Variants in MGMT observed in about 807,000 individuals in gnomAD.
MGMT encodes the protein O-6-methylguanine-DNA methyltransferase.
In MGMT, 14 loss-of-function variants were observed where a neutral mutation model predicts 15.9. That is an observed-to-expected ratio of 0.88 (90% CI 0.58 to 1.37). The LOEUF (loss-of-function observed/expected upper bound fraction) is 1.37, where lower values mean the gene tolerates loss of function less well. Ranked by LOEUF, MGMT falls within the 40% of genes most tolerant of loss-of-function variation. MGMT has a pLI of 0.00. For synonymous variants in MGMT, 130 were observed against 118.2 expected, an observed-to-expected ratio of 1.10 and a Z score of -0.65; for missense variants, 282 against 268.1, an observed-to-expected ratio of 1.05 and a Z score of -0.36.
chr10:129,722,087 A>T (rs1470393097), intron 3 of MGMT, among the ~76,000 whole-genome samples: 1 of 152,156 alleles, frequency 6.6e-6, no homozygotes, highest in Admixed American at 6.5e-5. Flanking sequence ...AAAGGAATAC[A>T]TTGACAGAAA....
intron 2 of MGMT, among the ~76,000 whole-genome samples, chr10:129,537,985 T>A (rs1846003913): frequency 6.6e-6 from 1 of 152,074 alleles, no homozygotes; most frequent in Non-Finnish European, 1.5e-5. Flanking sequence ...GCGTGTCATA[T>A]ATGGGCTAAA....
At chr10:129,626,265 C>T (rs1455952766) in intron 2 of MGMT, among the ~76,000 whole-genome samples, 1 of 152,192 alleles carries the variant, frequency 6.6e-6, no homozygotes, top group Non-Finnish European at 1.5e-5. Flanking sequence ...GATCAGTCCC[C>T]ACCCACCCGC....
intron 1 of MGMT, among the ~76,000 whole-genome samples, chr10:129,487,840 T>G (rs1217570228): frequency 1.3e-5 from 2 of 151,906 alleles, no homozygotes; most frequent in Non-Finnish European, 2.9e-5. Context: ...TTTCTTTGCT[T>G]CTTATGTGTG....
At chr10:129,498,969 C>G (rs529110286) in intron 1 of MGMT, among the ~76,000 whole-genome samples, 9 of 152,340 alleles carry the variant, frequency 5.9e-5, no homozygotes, top group Non-Finnish European at 1.3e-4. Context: ...ACTGCAAGTT[C>G]ATCTGATGCC....
At chr10:129,663,163 A>G (rs1589922704) in intron 2 of MGMT, among the ~76,000 whole-genome samples, 1 of 152,256 alleles carries the variant, frequency 6.6e-6, no homozygotes, top group African/African-American at 2.4e-5. Flanking sequence ...AAGTTTCATA[A>G]AAGAATTGTT....
intron 2 of MGMT, among the ~76,000 whole-genome samples, chr10:129,599,044 T>C (rs1846786166): frequency 6.6e-6 from 1 of 152,160 alleles, no homozygotes; most frequent in South Asian, 2.1e-4. Context: ...CTGAATTGAA[T>C]TTAAAGGAGT....
chr10:129,509,643 CA>C (rs1445203119), intron 1 of MGMT, among the ~76,000 whole-genome samples: 1 of 152,128 alleles, frequency 6.6e-6, no homozygotes, highest in Non-Finnish European at 1.5e-5. Context: ...CCAGTTTAAC[CA>C]GAGGTGACTT....
rs1305955143 is a variant in MGMT, at chr10:129,533,797, G to C, written c.-12-2444G>C. On this transcript the variant is annotated intron_variant, in intron 1 of 4. Coordinates refer to ENST00000651593, the MANE Select transcript of MGMT (RefSeq NM_002412.5). This position sits in a 1 kb window ranked among gnomAD's most constrained non-coding sequence, Gnocchi z 4.5. ...CTGAGAAGCAGTGGCCCGGGATGGT[G>C]GGAGATGTCTGCAGGCGCAGGGCGG... Among the ~76,000 whole-genome samples, 1 of 152,178 alleles carries C rather than the reference G, an allele frequency of 6.6e-6. No individual in the cohort carries two copies. The highest frequency in any genetic ancestry group is 1.5e-5 in the Non-Finnish European group (1 of 68,048).
chr10:129,716,970 A>AGG (rs1254035762), intron 3 of MGMT, among the ~76,000 whole-genome samples: 1 of 152,086 alleles, frequency 6.6e-6, no homozygotes, highest in African/African-American at 2.4e-5. Flanking sequence ...GCATTGACGC[A>AGG]TGCATAACTC....
chr10:129,560,197 G>A (rs1225064375), intron 2 of MGMT, among the ~76,000 whole-genome samples: 2 of 152,180 alleles, frequency 1.3e-5, no homozygotes, highest in African/African-American at 4.8e-5. Flanking sequence ...TTCAGGGTCT[G>A]ATGTGTAAGT....
intron 2 of MGMT, among the ~76,000 whole-genome samples, chr10:129,607,218 A>G (rs1478586460): frequency 6.6e-6 from 1 of 152,016 alleles, no homozygotes; most frequent in African/African-American, 2.4e-5. Context: ...GTAAATCCTC[A>G]GAAGGAAGAG....
At chr10:129,704,761 G>A (rs1848139936) in intron 2 of MGMT, among the ~76,000 whole-genome samples, 1 of 151,640 alleles carries the variant, frequency 6.6e-6, no homozygotes, top group Non-Finnish European at 1.5e-5. Flanking sequence ...GCCCCTATGT[G>A]CATCTCACCC....
chr10:129,475,841 T>G (rs1001904795), intron 1 of MGMT, among the ~76,000 whole-genome samples: 13 of 152,254 alleles, frequency 8.5e-5, no homozygotes, highest in African/African-American at 7.2e-5. Context: ...GTTAGTGTTC[T>G]TAAAGTTCAA....
chr10:129,646,246 G>A (rs561804230), intron 2 of MGMT, among the ~76,000 whole-genome samples: 31 of 152,200 alleles, frequency 2.0e-4, no homozygotes, highest in African/African-American at 7.2e-4. Context: ...AAGACAGATC[G>A]CCTGGGGAAG....
intron 1 of MGMT, among the ~76,000 whole-genome samples, chr10:129,488,588 ATGATTCTT>A: frequency 6.6e-6 from 1 of 152,152 alleles, no homozygotes; most frequent in Non-Finnish European, 1.5e-5. Flanking sequence ...AATTGAATTT[ATGATTCTT>A]TTCCTTTATA....
At chr10:129,698,223 G>A (rs576988739) in intron 2 of MGMT, among the ~76,000 whole-genome samples, 52 of 152,322 alleles carry the variant, frequency 3.4e-4, no homozygotes, top group African/African-American at 1.3e-3. Context: ...ACTCAGGGCA[G>A]GCGGTTGCTA....
chr10:129,679,072 CAA>C (rs746058016), intron 2 of MGMT, among the ~76,000 whole-genome samples: 8 of 117,626 alleles, frequency 6.8e-5, no homozygotes, highest in Non-Finnish European at 1.1e-4. Flanking sequence ...GACTCCATCT[CAA>C]AAAAAAAAAA....
chr10:129,716,286 C>T (rs1372967875), intron 3 of MGMT, among the ~76,000 whole-genome samples: 1 of 152,188 alleles, frequency 6.6e-6, no homozygotes, highest in Non-Finnish European at 1.5e-5. Flanking sequence ...ACCCTCTCCG[C>T]CAGTAAATAT....
chr10:129,734,221 CCT>C lies in MGMT; in HGVS notation c.275-24978_275-24977del, dbSNP rs926638149. On this transcript the variant is annotated intron_variant, in intron 3 of 4. Coordinates refer to ENST00000651593, the MANE Select transcript of MGMT (RefSeq NM_002412.5). ...GGAATGTTCTTCCATTTGTTTGTATCCTCTTTTATTTCATTGAGCAGTGGTTT... is the reference window on the plus strand; with the variant it reads ...GGAATGTTCTTCCATTTGTTTGTATCCTTTTATTTCATTGAGCAGTGGTTT... Among the ~76,000 whole-genome samples, 4 of 144,894 alleles carry C rather than the reference CCT, an allele frequency of 2.8e-5. No homozygotes were observed. The East Asian group carries it at 8.4e-4, about 31-fold the overall frequency.
Sources: allele counts gnomAD v4.1 joint callset (sites outside exome capture counted in the v4.1 genomes callset), GRCh38; gene constraint gnomAD v4.1.1; non-coding constraint Gnocchi (gnomAD v3.1); transcripts MANE v1.5; gene names NCBI Gene and HGNC (gene_info 2026-07-23, HGNC 2026-07-21).